GALNS: variants seen among roughly 807,000 people sequenced by gnomAD.
The protein encoded by GALNS is galactosamine (N-acetyl)-6-sulfatase, also known as N-acetylgalactosamine-6-sulfatase.
A neutral mutation model predicts 65.9 loss-of-function variants in GALNS; 65 were observed. The ratio of observed to expected loss-of-function variants is 0.99; its 90% CI spans 0.81 to 1.21. GALNS has a LOEUF of 1.21. Ranked by LOEUF, GALNS falls within the 50% of genes most tolerant of loss-of-function variation. GALNS has a pLI of 0.00. For synonymous variants in GALNS, 346 were observed against 288.9 expected (o/e 1.20, Z -2.00); for missense variants, 776 against 700.7 (o/e 1.11, Z -1.21).
intron 9 of GALNS, among the ~76,000 whole-genome samples, chr16:88,828,630 CCTCA>C (rs1253871907): frequency 1.3e-5 from 2 of 152,226 alleles, no homozygotes; most frequent in African/African-American, 4.8e-5. Context: ...GGTTTCCCTT[CCTCA>C]GGTGGGGAGA....
chr16:88,819,171 G>A (rs931469370), intron 12 of GALNS, among the ~76,000 whole-genome samples: 1 of 152,192 alleles, frequency 6.6e-6, no homozygotes, highest in Non-Finnish European at 1.5e-5. Context: ...CAACAGGGAC[G>A]GGGATGCGCC....
chr16:88,815,228 G>C (rs891873500), intron 13 of GALNS: 8 of 985,238 alleles, frequency 8.1e-6, no homozygotes, highest in Non-Finnish European at 7.2e-6. Context: ...AGAACTTGGT[G>C]GGGAGGTCCC....
At chr16:88,819,404 T>C (rs1386082760) in intron 12 of GALNS, among the ~76,000 whole-genome samples, 3 of 152,260 alleles carry the variant, frequency 2.0e-5, no homozygotes, top group African/African-American at 7.2e-5. Flanking sequence ...CAGGAGGGTC[T>C]CAGGTGCATT....
At chr16:88,842,415 C>G (rs1283263702) in intron 2 of GALNS, 1 of 543,808 alleles carries the variant, frequency 1.8e-6, no homozygotes, top group Non-Finnish European at 3.3e-6. Context: ...CGGAGCCACA[C>G]TGCAGCACCT....
chr16:88,855,118 G>C, intron 1 of GALNS: 1 of 511,526 alleles, frequency 2.0e-6, no homozygotes, highest in Non-Finnish European at 3.7e-6. Flanking sequence ...AAAAGCAGAA[G>C]TAGGTGAAAT....
chr16:88,825,121 G>T (rs1043951791), intron 10 of GALNS, among the ~76,000 whole-genome samples: 1 of 129,350 alleles, frequency 7.7e-6, no homozygotes, highest in Non-Finnish European at 1.6e-5. Context: ...GGGTGTCTGG[G>T]GCTGGGGTGT....
chr16:88,847,215 C>A (rs541113693), intron 1 of GALNS, among the ~76,000 whole-genome samples: 28 of 152,014 alleles, frequency 1.8e-4, no homozygotes, highest in African/African-American at 6.5e-4. Flanking sequence ...TATAAAAAAT[C>A]AAAAAATCAG....
At chr16:88,842,249 G>C (rs763439592) in intron 2 of GALNS, 1 of 579,446 alleles carries the variant, frequency 1.7e-6, no homozygotes, top group African/African-American at 1.9e-5. Context: ...CACCCACTGG[G>C]CGTGCAGGTC....
chr16:88,844,595 G>C (rs1480294370), intron 1 of GALNS: 2 of 152,302 alleles, frequency 1.3e-5, no homozygotes, highest in South Asian at 2.1e-4. Flanking sequence ...GACTGTGCCT[G>C]CCTGGGCCCC....
intron 13 of GALNS, chr16:88,816,666 C>T: frequency 1.1e-5 from 11 of 985,456 alleles, no homozygotes; most frequent in Non-Finnish European, 1.3e-5. Flanking sequence ...CGGTGCTCTC[C>T]TGTTACATCC....
At chr16:88,855,044 G>A in intron 1 of GALNS, 1 of 376,342 alleles carries the variant, frequency 2.7e-6, no homozygotes, top group South Asian at 2.0e-5. Flanking sequence ...CTGAACCCTT[G>A]CTGTCCTATG....
At chr16:88,849,526 T>C (rs940195017) in intron 1 of GALNS, among the ~76,000 whole-genome samples, 1 of 152,148 alleles carries the variant, frequency 6.6e-6, no homozygotes, top group African/African-American at 2.4e-5. Context: ...CCTCAGGTGA[T>C]CCACCTGCCT....
intron 1 of GALNS, 169 bp downstream of exon 1, chr16:88,856,589 T>A (rs1442112057): frequency 9.4e-6 from 2 of 212,816 alleles, no homozygotes; most frequent in African/African-American, 1.8e-4. Flanking sequence ...ATACCCCCCG[T>A]CCCCTCCCCC....
Position 88,856,794 on chromosome 16 carries a change from C to A in GALNS, c.84G>T (p.Pro28=), listed in dbSNP as rs759810674. Residue 28 remains proline (P), a synonymous_variant, in exon 1 of 14, where the codon CCG becomes CCT. Coordinates refer to ENST00000268695, the MANE Select transcript of GALNS (RefSeq NM_000512.5). ...GCAGGAGCAGGATGTTGGGGGGCTG[C>A]GGGGCGCCCGAGGCCCCCATCCCCG... ...SAAGMGASGA[P]QPPNILLLLM... The A allele has an allele frequency of 1.3e-6, 2 of 1,540,788 alleles. No individual in the cohort carries two copies. The highest frequency in any genetic ancestry group is 1.7e-6 in the Non-Finnish European group (2 of 1,154,316).
intron 7 of GALNS, among the ~76,000 whole-genome samples, 164 bp from the exon 8 acceptor site, chr16:88,835,516 A>G (rs996197048): frequency 2.6e-5 from 4 of 152,174 alleles, no homozygotes; most frequent in Non-Finnish European, 4.4e-5. Flanking sequence ...CCTCAGTTCA[A>G]GTTCATGTGG....
chr16:88,847,009 G>A (rs76493861), intron 1 of GALNS, among the ~76,000 whole-genome samples: 7,424 of 152,206 alleles, frequency 0.049, 252 homozygotes, highest in Middle Eastern at 0.15. Flanking sequence ...TGGACGGCAG[G>A]GAGGGAAAAC....
chr16:88,820,943 G>T (rs918100103), intron 12 of GALNS, among the ~76,000 whole-genome samples: 6 of 152,090 alleles, frequency 3.9e-5, no homozygotes, highest in Non-Finnish European at 5.9e-5. Context: ...GCTTCCAGCT[G>T]GGGGGGCTGT....
At chr16:88,852,678 G>C (rs1406134187) in intron 1 of GALNS, among the ~76,000 whole-genome samples, 1 of 152,216 alleles carries the variant, frequency 6.6e-6, no homozygotes, top group Non-Finnish European at 1.5e-5. Flanking sequence ...CAACAGTGTA[G>C]AGAAGACCTT....
intron 4 of GALNS, among the ~76,000 whole-genome samples, chr16:88,839,738 T>G (rs960102423): frequency 6.6e-6 from 1 of 152,198 alleles, no homozygotes; most frequent in Non-Finnish European, 1.5e-5. Flanking sequence ...TCTGCCTGGC[T>G]CCTGCTCCCA....
Sources: allele counts gnomAD v4.1 joint callset (sites outside exome capture counted in the v4.1 genomes callset), GRCh38; gene constraint gnomAD v4.1.1; transcripts MANE v1.5; gene names NCBI Gene and HGNC (gene_info 2026-07-23, HGNC 2026-07-21).